Variants in FRMPD4 observed in about 807,000 individuals in gnomAD.
FRMPD4 encodes FERM and PDZ domain-containing protein 4.
In FRMPD4, 22 loss-of-function variants were observed where a neutral mutation model predicts 94.1. The observed-to-expected ratio is 0.23, with a 90% confidence interval of 0.17 to 0.33. The LOEUF (loss-of-function observed/expected upper bound fraction) is 0.33. Ranked by LOEUF, FRMPD4 falls within the 10% of genes least tolerant of loss-of-function variation. The probability of loss-of-function intolerance (pLI) is 1.00; values close to 1 mark genes in which losing one functional copy is unlikely to be tolerated. For missense variants in FRMPD4, 1,111 were observed against 1,339.9 expected (o/e 0.83, Z 2.67); for synonymous variants, 631 against 548.6 (o/e 1.15, Z -2.10).
intron 3 of FRMPD4, among the ~76,000 whole-genome samples, chrX:11,881,409 A>C (rs1240146773): frequency 8.9e-6 from 1 of 112,353 alleles, no homozygotes; most frequent in African/African-American, 3.2e-5. Context: ...AATACCCTTT[A>C]ATGGATGAAT....
At chrX:12,081,348 T>G (rs2055060322) in intron 3 of FRMPD4, among the ~76,000 whole-genome samples, 1 of 112,002 alleles carries the variant, frequency 8.9e-6, no homozygotes, top group Non-Finnish European at 1.9e-5. Flanking sequence ...GCCAATATAT[T>G]TACTTACTTA....
At chrX:12,299,416 T>C (rs189299166) in intron 1 of FRMPD4, among the ~76,000 whole-genome samples, 2 of 111,004 alleles carry the variant, frequency 1.8e-5, no homozygotes, top group African/African-American at 6.6e-5. Flanking sequence ...AGTTAACCTA[T>C]AAAATTTGAT....
At chrX:11,845,529 T>C (rs2147283689) in intron 1 of FRMPD4, among the ~76,000 whole-genome samples, 1 of 108,736 alleles carries the variant, frequency 9.2e-6, no homozygotes, top group South Asian at 4.1e-4. Context: ...ACTCATTTTA[T>C]GAGGCCAGCA....
intron 1 of FRMPD4, among the ~76,000 whole-genome samples, chrX:12,266,132 C>CA (rs3990340): frequency 0.14 from 3,616 of 25,726 alleles, 429 homozygotes; most frequent in South Asian, 0.17. Context: ...GACTCCGTCT[C>CA]AAAAAAAAAA....
intron 1 of FRMPD4, among the ~76,000 whole-genome samples, chrX:12,362,595 C>T (rs1325270122): frequency 4.5e-5 from 5 of 111,331 alleles, no homozygotes; most frequent in Non-Finnish European, 7.5e-5. Flanking sequence ...TTTCTTAACC[C>T]AGTCTATCGT....
chrX:12,686,540 C>A (rs1281724499), intron 7 of FRMPD4, among the ~76,000 whole-genome samples: 3 of 112,023 alleles, frequency 2.7e-5, no homozygotes, highest in African/African-American at 9.7e-5. Context: ...TGCCCAAGGC[C>A]AGCATGATTT....
At chrX:12,582,568 A>G (rs1214806480) in intron 2 of FRMPD4, among the ~76,000 whole-genome samples, 1 of 111,951 alleles carries the variant, frequency 8.9e-6, no homozygotes, top group East Asian at 2.8e-4. Flanking sequence ...GCAAGGGTGC[A>G]ACATCCAGAA....
At chrX:12,537,190 C>A (rs759388904) in intron 2 of FRMPD4, among the ~76,000 whole-genome samples, 6 of 111,356 alleles carry the variant, frequency 5.4e-5, no homozygotes, top group Non-Finnish European at 1.1e-4. Context: ...TCTAAAGCAG[C>A]TTTATTCACA....
intron 3 of FRMPD4, among the ~76,000 whole-genome samples, chrX:11,950,026 C>T: frequency 8.9e-6 from 1 of 111,958 alleles, no homozygotes; most frequent in East Asian, 2.8e-4. Context: ...CCAAATCTCA[C>T]CCTGAATTGT....
At chrX:12,304,501 CT>C (rs2054905504) in intron 1 of FRMPD4, among the ~76,000 whole-genome samples, 1 of 111,237 alleles carries the variant, frequency 9.0e-6, no homozygotes, top group African/African-American at 3.3e-5. Context: ...AGCAAAATCA[CT>C]CATGGTTGAA....
intron 1 of FRMPD4, among the ~76,000 whole-genome samples, chrX:12,282,191 T>A (rs751484257): frequency 9.0e-6 from 1 of 111,726 alleles, no homozygotes; most frequent in Non-Finnish European, 1.9e-5. Context: ...GCCCCTCACC[T>A]TTTCCTTGAC....
At chrX:12,548,895 C>G (rs1024031704) in intron 2 of FRMPD4, among the ~76,000 whole-genome samples, 1 of 111,221 alleles carries the variant, frequency 9.0e-6, no homozygotes, top group Admixed American at 9.6e-5. Flanking sequence ...CAATAGGGCC[C>G]AAATAGCTAA....
intron 3 of FRMPD4, among the ~76,000 whole-genome samples, chrX:12,109,126 C>A (rs961137781): frequency 2.7e-5 from 3 of 111,942 alleles, no homozygotes; most frequent in Non-Finnish European, 5.6e-5. Context: ...ATATATTCCT[C>A]TCAGCACCAC....
chrX:11,958,378 C>G (rs1377887958), intron 3 of FRMPD4, among the ~76,000 whole-genome samples: 1 of 111,964 alleles, frequency 8.9e-6, no homozygotes, highest in African/African-American at 3.2e-5. Context: ...ATTCTAGAAT[C>G]AGTTCTGATG....
intron 3 of FRMPD4, among the ~76,000 whole-genome samples, chrX:12,079,504 A>G (rs2055046237): frequency 8.9e-6 from 1 of 111,960 alleles, no homozygotes; most frequent in Admixed American, 9.5e-5. Flanking sequence ...TTACACTTTA[A>G]GACTTTATTT....
At chrX:12,341,175 A>G (rs745953420) in intron 1 of FRMPD4, among the ~76,000 whole-genome samples, 6 of 112,029 alleles carry the variant, frequency 5.4e-5, no homozygotes, top group Non-Finnish European at 1.1e-4. Context: ...TTCTGGAGCT[A>G]GGACCATTCT....
At chrX:12,156,753 A>G (rs1215785563) in intron 1 of FRMPD4, among the ~76,000 whole-genome samples, 1 of 112,375 alleles carries the variant, frequency 8.9e-6, no homozygotes, top group East Asian at 2.8e-4. Context: ...TTATGAGGAA[A>G]CCAATTAAAT....
chrX:12,679,296 C>T (rs889230674), intron 5 of FRMPD4, among the ~76,000 whole-genome samples: 7 of 110,760 alleles, frequency 6.3e-5, no homozygotes, highest in East Asian at 2.8e-4. Flanking sequence ...AGGAGACATG[C>T]GGGAAAAAGA....
At chrX:11,920,205 C>A (rs1269418134) in intron 3 of FRMPD4, among the ~76,000 whole-genome samples, 3 of 111,983 alleles carry the variant, frequency 2.7e-5, no homozygotes, top group Non-Finnish European at 1.9e-5. Flanking sequence ...AAAAGCCCAA[C>A]ATTTTTTCAT....
Sources: allele counts gnomAD v4.1 joint callset (sites outside exome capture counted in the v4.1 genomes callset), GRCh38; gene constraint gnomAD v4.1.1; transcripts MANE v1.5; gene names NCBI Gene and HGNC (gene_info 2026-07-23, HGNC 2026-07-21).